Variants in PTTG1IP2 observed in about 807,000 individuals in gnomAD.
The protein encoded by PTTG1IP2 is PTTG1IP family member 2.
chr7:90,503,885 GAC>G (rs1798092783), intron 6 of PTTG1IP2, among the ~76,000 whole-genome samples: 2 of 152,154 alleles, frequency 1.3e-5, no homozygotes, highest in Non-Finnish European at 2.9e-5. Context: ...AAATGGTGCC[GAC>G]ACATTTGCCT....
chr7:90,511,950 C>G (rs977211115), intron 6 of PTTG1IP2, among the ~76,000 whole-genome samples: 2 of 152,224 alleles, frequency 1.3e-5, no homozygotes, highest in Admixed American at 1.3e-4. Context: ...GAATACTTCT[C>G]TATATGATAC....
intron 6 of PTTG1IP2, among the ~76,000 whole-genome samples, chr7:90,504,907 GTTGT>G (rs918428841): frequency 9.2e-5 from 14 of 152,090 alleles, no homozygotes; most frequent in Admixed American, 2.0e-4. Flanking sequence ...AATACTCAGG[GTTGT>G]TTGTTTGTTT....
chr7:90,488,500 T>C (rs951951914), intron 3 of PTTG1IP2, among the ~76,000 whole-genome samples: 34 of 152,024 alleles, frequency 2.2e-4, no homozygotes, highest in African/African-American at 7.5e-4. Context: ...CAATAAATCA[T>C]TTCCTGCTAT....
intron 1 of PTTG1IP2, among the ~76,000 whole-genome samples, chr7:90,475,903 T>A (rs529745043): frequency 6.7e-6 from 1 of 149,594 alleles, no homozygotes; most frequent in South Asian, 2.1e-4. Context: ...ATCGCGCCAC[T>A]GCACTCCAGC....
intron 6 of PTTG1IP2, among the ~76,000 whole-genome samples, chr7:90,495,391 A>T (rs1190778448): frequency 1.3e-5 from 2 of 152,192 alleles, no homozygotes; most frequent in Non-Finnish European, 1.5e-5. Context: ...ATCAACATCT[A>T]TGGCATGTCA....
At chr7:90,502,922 G>A (rs1354236159) in intron 6 of PTTG1IP2, among the ~76,000 whole-genome samples, 1 of 152,172 alleles carries the variant, frequency 6.6e-6, no homozygotes, top group East Asian at 1.9e-4. Context: ...AAATCAGCCT[G>A]TCCTTTTGAA....
rs896184307 is a variant in PTTG1IP2, at chr7:90,488,876, A to C, written c.292A>C (p.Met98Leu). The C allele has an allele frequency of 5.9e-5, 9 of 151,930 alleles. No homozygotes were observed. Among genetic ancestry groups the C allele is most frequent in the African/African-American group, 2.2e-4 (9 of 41,438 alleles). 9.4% of individuals were successfully genotyped at this position (151,930 alleles called of 1,614,324 possible). The change falls in exon 4 of 7, where the codon ATG (methionine) becomes CTG (leucine). Residue 98 changes from methionine (M) to leucine (L), a missense_variant. Transcript: ENST00000509356. The stretch of plus-strand genomic sequence containing the variant: ...TTTCTTTTTATACATTTCAGTTGAC[A>C]TGTTTGGAATCATGATGCTTCTACT... ...SIYWLNCKVD[M>L]FGIMMLLLIA...
intron 2 of PTTG1IP2, among the ~76,000 whole-genome samples, chr7:90,480,109 G>C (rs928389491): frequency 2.6e-5 from 4 of 152,098 alleles, no homozygotes; most frequent in African/African-American, 9.7e-5. Context: ...AGTACTGGTG[G>C]GGGTCTAGAT....
chr7:90,495,763 G>C (rs1436846936), intron 6 of PTTG1IP2, among the ~76,000 whole-genome samples: 2 of 152,172 alleles, frequency 1.3e-5, no homozygotes, highest in African/African-American at 4.8e-5. Flanking sequence ...CATTTTAAGA[G>C]TGAAAGGGCC....
intron 6 of PTTG1IP2, among the ~76,000 whole-genome samples, chr7:90,505,298 C>G (rs17864950): frequency 6.6e-6 from 1 of 152,182 alleles, no homozygotes; most frequent in Non-Finnish European, 1.5e-5. Flanking sequence ...TGGATGTTAG[C>G]AGAGAAAGCT....
chr7:90,479,030 A>G (rs148062281), intron 1 of PTTG1IP2, among the ~76,000 whole-genome samples, 198 bp from the exon 2 acceptor site: 2 of 152,270 alleles, frequency 1.3e-5, no homozygotes, highest in African/African-American at 4.8e-5. Context: ...TCCAAGAAAT[A>G]GGAGAAAAGA....
At chr7:90,500,997 T>C (rs1040215032) in intron 6 of PTTG1IP2, among the ~76,000 whole-genome samples, 2 of 152,364 alleles carry the variant, frequency 1.3e-5, no homozygotes, top group Admixed American at 6.5e-5. Flanking sequence ...TAGCATTTTC[T>C]TTAGACCCTA....
At chr7:90,472,315 C>CAT (rs1797701013) in intron 1 of PTTG1IP2, among the ~76,000 whole-genome samples, 1 of 100,230 alleles carries the variant, frequency 1.0e-5, no homozygotes, top group Non-Finnish European at 2.1e-5. Flanking sequence ...CACACACACA[C>CAT]ACACACCCCA....
chr7:90,512,890 A>C (rs557654773), intron 6 of PTTG1IP2, among the ~76,000 whole-genome samples: 1 of 152,300 alleles, frequency 6.6e-6, no homozygotes, highest in South Asian at 2.1e-4. Flanking sequence ...GACCTTTTGG[A>C]ATAGATGGTT....
In PTTG1IP2 at chr7:90,500,147, G is replaced by A. The variant is rs115873843; in HGVS notation, c.*50+5717G>A. On this transcript the variant is annotated intron_variant, in intron 6 of 6. Transcript: ENST00000509356. ...AGGATCACCTGAGCCTGGGGAGGTC[G>A]AGGCTGTGGTGAGCTAAGATTGTGC... 5.0e-3 allele frequency among the ~76,000 whole-genome samples: 755 copies of A among 152,132 alleles called. 14 individuals carry two copies. Among genetic ancestry groups the A allele is most frequent in the African/African-American group, 0.018 (733 of 41,546 alleles).
intron 6 of PTTG1IP2, among the ~76,000 whole-genome samples, chr7:90,508,299 A>G (rs996934221): frequency 2.0e-5 from 3 of 149,984 alleles, no homozygotes; most frequent in Non-Finnish European, 3.0e-5. Flanking sequence ...AAGAAAAAAT[A>G]TTTCTACAGT....
intron 6 of PTTG1IP2, among the ~76,000 whole-genome samples, chr7:90,509,386 AG>A (rs1202796054): frequency 6.6e-6 from 1 of 152,138 alleles, no homozygotes; most frequent in Non-Finnish European, 1.5e-5. Flanking sequence ...GTGATCATTT[AG>A]AAGTAGGGAG....
rs369293398 is a variant in PTTG1IP2 at position 90,481,017 on chromosome 7, G to A, written c.192+1743G>A. On this transcript the variant is annotated intron_variant, in intron 2 of 6. Coordinates refer to ENST00000509356, the MANE Select transcript of PTTG1IP2 (RefSeq NM_001365443.2). ...ATAATTAGATATAAAGGCTTTATCAGATTCTGTTTAATTTTTTGGTAGGAA... is the reference window on the plus strand; with the variant it reads ...ATAATTAGATATAAAGGCTTTATCAAATTCTGTTTAATTTTTTGGTAGGAA... 9.5e-4 allele frequency among the ~76,000 whole-genome samples: 144 copies of A among 152,212 alleles called. 1 individual carries two copies. The highest frequency in any genetic ancestry group is 3.2e-3 in the African/African-American group (135 of 41,542).
chr7:90,475,311 G>A (rs1040263554), intron 1 of PTTG1IP2, among the ~76,000 whole-genome samples: 5 of 152,164 alleles, frequency 3.3e-5, no homozygotes, highest in Non-Finnish European at 7.3e-5. Flanking sequence ...GGATAATTAC[G>A]CCAAGAAGTT....
Sources: allele counts gnomAD v4.1 joint callset (sites outside exome capture counted in the v4.1 genomes callset), GRCh38; gene constraint gnomAD v4.1.1; transcripts MANE v1.5; gene names NCBI Gene and HGNC (gene_info 2026-07-23, HGNC 2026-07-21).